SLC24A2: variants seen among roughly 807,000 people sequenced by gnomAD.
The protein encoded by SLC24A2 is solute carrier family 24 member 2, also known as sodium/potassium/calcium exchanger 2.
SLC24A2 carries 36 observed loss-of-function variants against 62.0 expected under a neutral mutation model. That is an observed-to-expected ratio of 0.58 (90% CI 0.44 to 0.77). SLC24A2 has a LOEUF of 0.77. Among genes scored for constraint, SLC24A2 ranks in the 30% least tolerant of loss-of-function variants. The probability of loss-of-function intolerance (pLI) is 0.00; values close to 1 mark genes in which losing one functional copy is unlikely to be tolerated. For missense variants in SLC24A2, 846 were observed against 817.9 expected (o/e 1.03, Z -0.42); for synonymous variants, 358 against 294.0 (o/e 1.22, Z -2.23).
the SLC24A2 span, among the ~76,000 whole-genome samples, chr9:19,950,429 T>C: frequency 0.02 from 3,045 of 152,214 alleles, 94 homozygotes; most frequent in African/African-American, 0.07. Flanking sequence ...AGAGAGACTT[T>C]GTAACCACAG....
chr9:19,601,867 G>C (rs1195023696), intron 4 of SLC24A2, among the ~76,000 whole-genome samples: 1 of 152,150 alleles, frequency 6.6e-6, no homozygotes, highest in Non-Finnish European at 1.5e-5. Flanking sequence ...ATTGTGGTGA[G>C]AATTACAGGT....
the SLC24A2 span, among the ~76,000 whole-genome samples, chr9:20,104,642 C>G: frequency 3.9e-5 from 6 of 152,120 alleles, no homozygotes; most frequent in East Asian, 1.9e-4. Context: ...TACAGACAAG[C>G]AAATGCTGAG....
chr9:19,881,728 T>C, the SLC24A2 span, among the ~76,000 whole-genome samples: 3 of 152,150 alleles, frequency 2.0e-5, no homozygotes, highest in Non-Finnish European at 4.4e-5. Context: ...GTAGACAGAG[T>C]CAAATTTGCA....
chr9:20,059,787 G>A, the SLC24A2 span, among the ~76,000 whole-genome samples: 2 of 151,702 alleles, frequency 1.3e-5, no homozygotes, highest in Non-Finnish European at 2.9e-5. Context: ...GCAGAGGGAA[G>A]GAAAGAATGA....
the SLC24A2 span, among the ~76,000 whole-genome samples, chr9:20,196,463 T>C: frequency 6.6e-6 from 1 of 152,252 alleles, no homozygotes; most frequent in Non-Finnish European, 1.5e-5. Flanking sequence ...TAAATGTGAA[T>C]TTATCGCCTT....
chr9:19,563,148 ATTC>A (rs1835486750), intron 7 of SLC24A2, among the ~76,000 whole-genome samples: 1 of 148,886 alleles, frequency 6.7e-6, no homozygotes, highest in African/African-American at 2.4e-5. Flanking sequence ...GTCTTTTGAT[ATTC>A]TTATTTCTTT....
At chr9:20,023,524 C>T in the SLC24A2 span, among the ~76,000 whole-genome samples, 1 of 151,966 alleles carries the variant, frequency 6.6e-6, no homozygotes, top group Non-Finnish European at 1.5e-5. Flanking sequence ...GTCTGGAAGC[C>T]AAAGGATTTA....
the SLC24A2 span, among the ~76,000 whole-genome samples, chr9:20,280,005 C>G: frequency 6.6e-6 from 1 of 152,202 alleles, no homozygotes; most frequent in Non-Finnish European, 1.5e-5. Context: ...GTGCCCCTGC[C>G]AAACAAATGA....
the SLC24A2 span, among the ~76,000 whole-genome samples, chr9:20,304,136 A>G: frequency 6.6e-6 from 1 of 152,182 alleles, no homozygotes; most frequent in Admixed American, 6.5e-5. Context: ...CCACTCTGAA[A>G]ACCTGGCTTG....
At chr9:20,055,142 A>G in the SLC24A2 span, among the ~76,000 whole-genome samples, 4 of 152,124 alleles carry the variant, frequency 2.6e-5, no homozygotes, top group African/African-American at 9.7e-5. Context: ...GCTCCCTTCC[A>G]TCCACCTACA....
intron 2 of SLC24A2, among the ~76,000 whole-genome samples, chr9:19,695,058 C>A (rs1005089322): frequency 1.5e-5 from 2 of 131,808 alleles, no homozygotes; most frequent in Non-Finnish European, 3.1e-5. Flanking sequence ...CCTAGAGCAG[C>A]AGTTCTAACT....
chr9:19,812,441 A>C, the SLC24A2 span, among the ~76,000 whole-genome samples: 1 of 152,060 alleles, frequency 6.6e-6, no homozygotes, highest in Non-Finnish European at 1.5e-5. Flanking sequence ...TGCTATCTCT[A>C]ATCTCTTGTT....
the SLC24A2 span, among the ~76,000 whole-genome samples, chr9:20,008,126 C>A: frequency 1.3e-5 from 2 of 151,820 alleles, no homozygotes; most frequent in African/African-American, 4.8e-5. Context: ...GAACTCCTGA[C>A]CTCAAGTGAT....
the SLC24A2 span, among the ~76,000 whole-genome samples, chr9:20,028,954 G>A: frequency 6.6e-6 from 1 of 152,136 alleles, no homozygotes; most frequent in Admixed American, 6.5e-5. Flanking sequence ...AGCCGTTTCT[G>A]TTTCCTCTAA....
At chr9:19,826,108 G>C in the SLC24A2 span, among the ~76,000 whole-genome samples, 35 of 135,104 alleles carry the variant, frequency 2.6e-4, no homozygotes, top group African/African-American at 7.5e-4. Context: ...GGGAAAATAA[G>C]ACCAGAACAA....
At chr9:20,252,892 C>T in the SLC24A2 span, among the ~76,000 whole-genome samples, 1 of 152,210 alleles carries the variant, frequency 6.6e-6, no homozygotes, top group Non-Finnish European at 1.5e-5. Context: ...GCTGGTGCTT[C>T]CTTATGAGCT....
At chr9:19,754,996 G>A (rs987254201) in intron 2 of SLC24A2, among the ~76,000 whole-genome samples, 15 of 152,028 alleles carry the variant, frequency 9.9e-5, no homozygotes, top group African/African-American at 3.6e-4. Flanking sequence ...TTCTGCAACC[G>A]AGCCTAGACT....
the SLC24A2 span, among the ~76,000 whole-genome samples, chr9:19,985,796 T>TA: frequency 6.6e-6 from 1 of 152,074 alleles, no homozygotes. Context: ...ACCAATGACT[T>TA]AAACACAAGA....
At chr9:19,611,674 T>C (rs1020219212) in intron 4 of SLC24A2, among the ~76,000 whole-genome samples, 6 of 152,024 alleles carry the variant, frequency 3.9e-5, no homozygotes, top group African/African-American at 1.5e-4. Flanking sequence ...TCAGGGCCAC[T>C]GTGAAATAAA....
Sources: allele counts gnomAD v4.1 joint callset (sites outside exome capture counted in the v4.1 genomes callset), GRCh38; gene constraint gnomAD v4.1.1; transcripts MANE v1.5; gene names NCBI Gene and HGNC (gene_info 2026-07-23, HGNC 2026-07-21).